Variants in SOX5 observed in about 807,000 individuals in gnomAD.
SOX5 encodes SRY-box transcription factor 5.
A neutral mutation model predicts 92.0 loss-of-function variants in SOX5; 9 were observed. The observed-to-expected ratio is 0.10, with a 90% CI of 0.06 to 0.17. SOX5 has a LOEUF of 0.17. SOX5 is among the 10% of genes least tolerant of loss of function. The pLI, the probability that SOX5 is intolerant of heterozygous loss-of-function variation, is 1.00. For synonymous variants in SOX5, 344 were observed against 336.3 expected (o/e 1.02, Z -0.25); for missense variants, 642 against 944.5 (o/e 0.68, Z 4.20).
intron 4 of SOX5, among the ~76,000 whole-genome samples, chr12:24,115,022 T>A (rs1294711578): frequency 6.6e-6 from 1 of 152,182 alleles, no homozygotes; most frequent in African/African-American, 2.4e-5. Flanking sequence ...GATAAAAGTT[T>A]TATAAATTTC....
At chr12:23,908,013 T>C (rs1253444413) in intron 1 of SOX5, among the ~76,000 whole-genome samples, 3 of 152,124 alleles carry the variant, frequency 2.0e-5, no homozygotes, top group African/African-American at 7.2e-5. Context: ...ACTCTTGCTC[T>C]CTCCCTCCCA....
upstream of SOX5, among the ~76,000 whole-genome samples, chr12:23,950,329 C>A (rs1945412540): frequency 6.6e-6 from 1 of 151,960 alleles, no homozygotes; most frequent in Non-Finnish European, 1.5e-5. Flanking sequence ...AGAAAAGCAA[C>A]TTTGACAGAT....
chr12:24,132,581 G>A (rs79646347), intron 4 of SOX5, among the ~76,000 whole-genome samples: 1,764 of 152,154 alleles, frequency 0.012, 18 homozygotes, highest in South Asian at 0.036. Context: ...TACAGTATCC[G>A]TATACTTGGG....
intron 4 of SOX5, among the ~76,000 whole-genome samples, chr12:24,034,785 T>C (rs139498957): frequency 1.3e-5 from 2 of 152,072 alleles, no homozygotes; most frequent in Non-Finnish European, 2.9e-5. Flanking sequence ...TAAATTTGTG[T>C]GTTTGTGTGT....
intron 7 of SOX5, among the ~76,000 whole-genome samples, chr12:23,652,157 T>A (rs2081654753): frequency 6.6e-6 from 1 of 152,072 alleles, no homozygotes; most frequent in South Asian, 2.1e-4. Flanking sequence ...AATTTACTAA[T>A]GACCTCTGAA....
At chr12:24,391,397 G>A (rs1319785012) in intron 1 of SOX5, among the ~76,000 whole-genome samples, 1 of 152,058 alleles carries the variant, frequency 6.6e-6, no homozygotes, top group Non-Finnish European at 1.5e-5. Flanking sequence ...TACATGTATA[G>A]GTACATGCTT....
At chr12:24,460,637 C>T (rs1259518908) in intron 1 of SOX5, 1 of 152,200 alleles carries the variant, frequency 6.6e-6, no homozygotes, top group Non-Finnish European at 1.5e-5. Flanking sequence ...AGCATTTTCA[C>T]ATCATGAGGA....
rs1947371537 is a variant in SOX5 at position 24,494,126 on chromosome 12, G to C, written c.-251+68203C>G. 2.6e-5 allele frequency among the ~76,000 whole-genome samples: 4 copies of C among 152,166 alleles called. No individual in the cohort carries two copies. In the South Asian group the frequency reaches 8.3e-4, roughly 32 times the overall value. On this transcript the variant is annotated intron_variant, in intron 1 of 4. Transcript: ENST00000446891. ...CCTTACAAAAGGATAGAAAATGTCT[G>C]GGTAAATCACACTGACGTGTAGAAC...
chr12:23,620,462 T>C (rs928682198), intron 8 of SOX5, among the ~76,000 whole-genome samples: 57 of 152,216 alleles, frequency 3.7e-4, no homozygotes, highest in African/African-American at 1.4e-3. Flanking sequence ...TAAATCTATA[T>C]ATATAATTTT....
intron 3 of SOX5, among the ~76,000 whole-genome samples, chr12:24,241,251 G>A (rs936291628): frequency 1.3e-5 from 2 of 152,150 alleles, no homozygotes; most frequent in Non-Finnish European, 2.9e-5. Flanking sequence ...TAGTTAAGAT[G>A]AATCTAGATT....
Position 23,785,544 on chromosome 12 carries a change from C to T in SOX5, c.482-29820G>A, listed in dbSNP as rs1407364187. 2.0e-5 allele frequency among the ~76,000 whole-genome samples: 3 copies of T among 152,096 alleles called. No individual in the cohort carries two copies. The East Asian group carries it at 5.8e-4, about 29-fold the overall frequency. On this transcript the variant is annotated intron_variant, in intron 3 of 14. Transcript: ENST00000451604. ...GTTTACTTTTTATGTAATCACCTGCCTTCCTAAGAAAGAATGCATGAACAA... is the reference window on the plus strand; with the variant it reads ...GTTTACTTTTTATGTAATCACCTGCTTTCCTAAGAAAGAATGCATGAACAA...
intron 2 of SOX5, among the ~76,000 whole-genome samples, chr12:23,887,713 G>A (rs1431226619): frequency 6.6e-6 from 1 of 151,860 alleles, no homozygotes; most frequent in Non-Finnish European, 1.5e-5. Context: ...ATTAACATGA[G>A]GTGCATATTT....
chr12:23,959,041 A>G (rs1207568792), intron 4 of SOX5, among the ~76,000 whole-genome samples: 3 of 151,888 alleles, frequency 2.0e-5, no homozygotes, highest in Admixed American at 2.0e-4. Context: ...ACAATATGAA[A>G]AGACATACCA....
intron 4 of SOX5, among the ~76,000 whole-genome samples, chr12:24,091,813 C>A (rs1024786032): frequency 1.3e-5 from 2 of 152,000 alleles, no homozygotes; most frequent in Non-Finnish European, 2.9e-5. Context: ...CTAGCCATTT[C>A]TATTTTCTAA....
chr12:24,402,067 T>A (rs190748494), intron 1 of SOX5, among the ~76,000 whole-genome samples: 8 of 152,286 alleles, frequency 5.3e-5, no homozygotes, highest in African/African-American at 1.7e-4. Context: ...CAATAATGGA[T>A]GGTATTTATC....
intron 4 of SOX5, among the ~76,000 whole-genome samples, chr12:24,153,608 G>A (rs1051570890): frequency 3.3e-5 from 5 of 151,980 alleles, no homozygotes; most frequent in Non-Finnish European, 7.4e-5. Context: ...CTTCTTTCCT[G>A]CATCCTATGA....
chr12:24,019,196 G>A (rs368795086), intron 4 of SOX5, among the ~76,000 whole-genome samples: 193 of 152,220 alleles, frequency 1.3e-3, no homozygotes, highest in African/African-American at 4.4e-3. Context: ...GGCTGGGCTC[G>A]AACTCCTGAA....
At position 23,534,068 on chromosome 12, in the gene SOX5, G is replaced by A; in HGVS notation, c.*151C>T. On this transcript the variant is annotated 3_prime_UTR_variant, in exon 15 of 15. Coordinates refer to ENST00000451604, the MANE Select transcript of SOX5 (RefSeq NM_006940.6). Reference sequence around the variant, plus strand: ...TCTTTCCAAGCCTTTTGAGGCTGAGGTCTATTAGTCAGCTGATGTCCCAAC... The same window carrying A: ...TCTTTCCAAGCCTTTTGAGGCTGAGATCTATTAGTCAGCTGATGTCCCAAC... The A allele has an allele frequency of 1.5e-6, 1 of 652,262 alleles. No homozygotes were observed. The highest frequency in any genetic ancestry group is 2.7e-6 in the Non-Finnish European group (1 of 372,754). The allele number at this position is 652,262 out of a possible 1,614,324, so 40.4% of individuals were successfully genotyped here. A position where few individuals can be genotyped will look rare whatever the true frequency, so the allele number is the denominator to read the frequency against.
At chr12:24,247,553 G>A (rs1303751315) in intron 3 of SOX5, among the ~76,000 whole-genome samples, 1 of 152,170 alleles carries the variant, frequency 6.6e-6, no homozygotes. Flanking sequence ...GTAAGGCTGG[G>A]GGAGTTGTAC....
Sources: allele counts gnomAD v4.1 joint callset (sites outside exome capture counted in the v4.1 genomes callset), GRCh38; gene constraint gnomAD v4.1.1; transcripts MANE v1.5; gene names NCBI Gene and HGNC (gene_info 2026-07-23, HGNC 2026-07-21).